The following SPATA6L variants were observed in gnomAD, a reference collection of about 807,000 sequenced individuals.
The protein encoded by SPATA6L is spermatogenesis associated 6 like.
In SPATA6L, 68 loss-of-function variants were observed where a neutral mutation model predicts 49.2. The observed-to-expected ratio is 1.38, with a 90% CI of 1.14 to 1.69. The LOEUF (loss-of-function observed/expected upper bound fraction) is 1.69. Among genes scored for constraint, SPATA6L ranks in the 40% most tolerant of loss-of-function variants. SPATA6L has a pLI of 0.00. For missense variants in SPATA6L, 668 were observed against 464.3 expected (o/e 1.44, Z -4.03); for synonymous variants, 198 against 165.7 (o/e 1.19, Z -1.50).
intron 6 of SPATA6L, among the ~76,000 whole-genome samples, chr9:4,625,037 T>C (rs1325134134): frequency 6.6e-6 from 1 of 152,184 alleles, no homozygotes; most frequent in Non-Finnish European, 1.5e-5. Flanking sequence ...CTCTTCAAGA[T>C]AATGGCAAGT....
At chr9:4,596,102 T>G (rs764762848), downstream of SPATA6L, among the ~76,000 whole-genome samples, 28 of 152,194 alleles carry the variant, frequency 1.8e-4, no homozygotes, top group Non-Finnish European at 3.8e-4. Flanking sequence ...TTGCAACACC[T>G]TTTGGGAATC....
chr9:4,652,903 C>A (rs560879392), intron 3 of SPATA6L, among the ~76,000 whole-genome samples: 11 of 151,762 alleles, frequency 7.2e-5, no homozygotes, highest in African/African-American at 2.4e-4. Flanking sequence ...GAAACACATC[C>A]CACATTCATG....
intron 3 of SPATA6L, among the ~76,000 whole-genome samples, chr9:4,650,765 T>C (rs1836637760): frequency 6.6e-6 from 1 of 151,890 alleles, no homozygotes; most frequent in Non-Finnish European, 1.5e-5. Context: ...GCTCAAGCAA[T>C]TCTTCCACTT....
intron 3 of SPATA6L, among the ~76,000 whole-genome samples, chr9:4,642,192 T>A (rs10974704): frequency 0.052 from 7,994 of 152,296 alleles, 311 homozygotes; most frequent in Middle Eastern, 0.088. Context: ...GTAACTTTTT[T>A]AAAATCCATG....
intron 4 of SPATA6L, among the ~76,000 whole-genome samples, chr9:4,630,094 C>T (rs1208110005): frequency 1.3e-5 from 2 of 151,514 alleles, no homozygotes; most frequent in Non-Finnish European, 2.9e-5. Context: ...GTGACATTCT[C>T]AAAAAAACAA....
chr9:4,648,777 C>A, intron 3 of SPATA6L, among the ~76,000 whole-genome samples: 1 of 152,114 alleles, frequency 6.6e-6, no homozygotes, highest in East Asian at 1.9e-4. Flanking sequence ...ACCCATCACC[C>A]GAGCAGTACA....
chr9:4,638,763 C>CTCTTTTCTTT (rs531360522), intron 3 of SPATA6L, among the ~76,000 whole-genome samples: 59 of 149,146 alleles, frequency 4.0e-4, no homozygotes, highest in Non-Finnish European at 6.8e-4. Flanking sequence ...GTGTTAAGAA[C>CTCTTTTCTTT]TCTTTTCTTT....
intron 3 of SPATA6L, among the ~76,000 whole-genome samples, chr9:4,647,847 T>TG (rs1835770962): frequency 1.3e-5 from 2 of 151,814 alleles, no homozygotes; most frequent in African/African-American, 4.8e-5. Context: ...TTTTTTTTTT[T>TG]TTTTTGAACC....
At chr9:4,624,339 T>A (rs1199934999) in intron 6 of SPATA6L, among the ~76,000 whole-genome samples, 1 of 152,232 alleles carries the variant, frequency 6.6e-6, no homozygotes. Context: ...AGAAATTGCG[T>A]CAAATTAAAT....
At chr9:4,644,354 A>G (rs896403336) in intron 3 of SPATA6L, among the ~76,000 whole-genome samples, 1 of 151,582 alleles carries the variant, frequency 6.6e-6, no homozygotes, top group Non-Finnish European at 1.5e-5. Context: ...AAAAATATAT[A>G]TAAAAAATAA....
In SPATA6L at chr9:4,599,680, C is replaced by A. The variant is rs1230048255; in HGVS notation, c.*1131G>T. ...ATGGCGCCTTCTCGCTGTCTCCTCG[C>A]CAGTGGAAGGGGCAAACGAGCTCCC... On this transcript the variant is annotated 3_prime_UTR_variant, in exon 12 of 12. Transcript: ENST00000682582. 6.6e-6 allele frequency among the ~76,000 whole-genome samples: 1 copy of A among 152,192 alleles called. No individual in the cohort carries two copies. The highest frequency in any genetic ancestry group is 1.5e-5 in the Non-Finnish European group (1 of 68,042).
intron 9 of SPATA6L, among the ~76,000 whole-genome samples, chr9:4,613,494 C>G (rs994833209): frequency 6.6e-6 from 1 of 152,040 alleles, no homozygotes; most frequent in African/African-American, 2.4e-5. Context: ...AAATCCATTG[C>G]CAACCCAAGA....
At position 4,661,956 on chromosome 9, in the gene SPATA6L, G is replaced by C; in HGVS notation, c.120C>G (p.Thr40=). The change falls in exon 2 of 12, where the codon ACC becomes ACG. Residue 40 remains threonine (T), a synonymous_variant. Coordinates refer to ENST00000682582, the MANE Select transcript of SPATA6L (RefSeq NM_001353486.2). ...TGGGGAACGCAGAGGGAAAGCTGTT[G>C]GTCTCCAGGTACTGATTCATGAGGT... ...GVYLMNQYLE[T]NSFPSAFPIM... is the part of the protein sequence containing the mutation. 1 of 1,613,974 alleles carries C rather than the reference G, an allele frequency of 6.2e-7. No homozygotes were observed. The highest frequency in any genetic ancestry group is 2.2e-5 in the East Asian group (1 of 44,880).
chr9:4,651,762 TA>T (rs1249954405), intron 3 of SPATA6L, among the ~76,000 whole-genome samples: 1 of 152,184 alleles, frequency 6.6e-6, no homozygotes, highest in East Asian at 1.9e-4. Flanking sequence ...TACTTCATGA[TA>T]AAAACTCAGT....
At chr9:4,594,281 C>T (rs1822093323), downstream of SPATA6L, among the ~76,000 whole-genome samples, 1 of 152,244 alleles carries the variant, frequency 6.6e-6, no homozygotes, top group Non-Finnish European at 1.5e-5. Flanking sequence ...GCGAACTCAG[C>T]TCACTGCAAG....
At chr9:4,635,180 A>G in intron 4 of SPATA6L, 95 bp downstream of exon 4, 2 of 1,351,122 alleles carry the variant, frequency 1.5e-6, no homozygotes, top group Non-Finnish European at 1.9e-6. Context: ...CAGGGGTACT[A>G]ACCAAGATAA....
rs780219966 is a variant in SPATA6L at position 4,618,129 on chromosome 9, T to G, written c.808-19A>C. On this transcript the variant is annotated intron_variant, in intron 8 of 11. Transcript: ENST00000682582. Reference sequence around the variant, plus strand: ...TGATAACCTGAGTGACAATATGCATTATTTAGTTGTAATTTTGCTTCTGTT... The same window carrying G: ...TGATAACCTGAGTGACAATATGCATGATTTAGTTGTAATTTTGCTTCTGTT... The G allele has an allele frequency of 1.3e-6, 2 of 1,572,926 alleles. No individual in the cohort carries two copies. The highest frequency in any genetic ancestry group is 2.7e-5 in the African/African-American group (2 of 73,694).
chr9:4,610,108 C>T (rs1247128831), intron 9 of SPATA6L, among the ~76,000 whole-genome samples: 1 of 152,118 alleles, frequency 6.6e-6, no homozygotes, highest in South Asian at 2.1e-4. Flanking sequence ...AGGACCTCTT[C>T]AAGGAGAAGT....
chr9:4,653,832 G>C (rs1587467975), intron 3 of SPATA6L, among the ~76,000 whole-genome samples: 2 of 152,218 alleles, frequency 1.3e-5, no homozygotes, highest in South Asian at 4.1e-4. Flanking sequence ...AGCTACTTCA[G>C]AGGCTGAGGT....
Sources: gnomAD v4.1 joint callset for allele counts (sites outside exome capture counted in the v4.1 genomes callset) on GRCh38, gnomAD v4.1.1 for gene constraint, MANE v1.5 for transcripts, NCBI Gene and HGNC (gene_info 2026-07-23, HGNC 2026-07-21) for gene names.